Variants in NECAB1 observed in about 807,000 individuals in gnomAD.
NECAB1 encodes the protein N-terminal EF-hand calcium binding protein 1.
In NECAB1, 29 loss-of-function variants were observed where a neutral mutation model predicts 57.5. That is an observed-to-expected ratio of 0.50 (90% confidence interval 0.38 to 0.69). The LOEUF (loss-of-function observed/expected upper bound fraction) is 0.69. Among genes scored for constraint, NECAB1 ranks in the 30% least tolerant of loss-of-function variants. The pLI is 0.00. For synonymous variants in NECAB1, 142 were observed against 147.7 expected (o/e 0.96, Z 0.28); for missense variants, 372 against 413.8 (o/e 0.90, Z 0.88).
intron 10 of NECAB1, 57 bp downstream of exon 10, chr8:90,940,955 G>C (rs1586144922): frequency 7.7e-7 from 1 of 1,299,332 alleles, no homozygotes; most frequent in South Asian, 1.3e-5. Flanking sequence ...TACAGTGAAG[G>C]CATTTCTTAC....
intron 8 of NECAB1, among the ~76,000 whole-genome samples, chr8:90,933,609 C>A (rs1810460890): frequency 6.6e-6 from 1 of 152,034 alleles, no homozygotes; most frequent in Admixed American, 6.6e-5. Flanking sequence ...GGATAAAAGA[C>A]TACAAATCGG....
chr8:90,935,969 C>A (rs754541089), intron 9 of NECAB1, among the ~76,000 whole-genome samples: 1 of 152,070 alleles, frequency 6.6e-6, no homozygotes, highest in Non-Finnish European at 1.5e-5. Flanking sequence ...AGAGGTATAG[C>A]AATTATGCTC....
rs181758434 is a variant in NECAB1 at position 90,817,136 on chromosome 8, C to A, written c.125-7581C>A. 5.3e-5 allele frequency among the ~76,000 whole-genome samples: 8 copies of A among 151,762 alleles called. No individual in the cohort carries two copies. The East Asian group carries it at 1.5e-3, about 29-fold the overall frequency. ...TTGCTGAAATAAGTAAAGCAATTGA[C>A]TTTTGTATATTAACCTTGTATCGTA... is the stretch of plus-strand genomic sequence containing the variant. On this transcript the variant is annotated intron_variant, in intron 2 of 12. Coordinates refer to ENST00000417640, the MANE Select transcript of NECAB1 (RefSeq NM_022351.5).
chr8:90,878,164 TG>T (rs1329041100), intron 4 of NECAB1, among the ~76,000 whole-genome samples: 2 of 152,064 alleles, frequency 1.3e-5, no homozygotes, highest in Admixed American at 1.3e-4. Flanking sequence ...ATCCTCTATT[TG>T]GATTGCACCT....
intron 7 of NECAB1, among the ~76,000 whole-genome samples, chr8:90,926,327 AT>A (rs1486273433): frequency 2.0e-5 from 3 of 152,168 alleles, no homozygotes; most frequent in African/African-American, 7.2e-5. Flanking sequence ...TATAAGCTAT[AT>A]TCTATATTTT....
intron 3 of NECAB1, among the ~76,000 whole-genome samples, chr8:90,864,348 G>C (rs1199210452): frequency 7.2e-6 from 1 of 139,556 alleles, no homozygotes; most frequent in Non-Finnish European, 1.5e-5. Context: ...AGAGAGGGAG[G>C]GAGGGGGAGG....
intron 5 of NECAB1, among the ~76,000 whole-genome samples, chr8:90,900,573 G>A (rs906971351): frequency 6.6e-6 from 1 of 152,134 alleles, no homozygotes; most frequent in Non-Finnish European, 1.5e-5. Context: ...GGTAGGAAAA[G>A]TATTATTCAG....
At chr8:90,893,938 A>AT (rs1162586037) in intron 5 of NECAB1, among the ~76,000 whole-genome samples, 1 of 151,740 alleles carries the variant, frequency 6.6e-6, no homozygotes, top group Admixed American at 6.6e-5. Flanking sequence ...CTTTTAAATG[A>AT]TTTTACCTAT....
At chr8:90,953,132 C>T (rs1025286355) in intron 12 of NECAB1, among the ~76,000 whole-genome samples, 1 of 152,136 alleles carries the variant, frequency 6.6e-6, no homozygotes, top group Non-Finnish European at 1.5e-5. Context: ...AGGAACAAAG[C>T]TTGTTCTTAT....
At chr8:90,918,511 A>G (rs1341431099) in intron 6 of NECAB1, among the ~76,000 whole-genome samples, 1 of 152,208 alleles carries the variant, frequency 6.6e-6, no homozygotes, top group African/African-American at 2.4e-5. Flanking sequence ...TACATTGCCA[A>G]TTGTTTTCAG....
At chr8:90,839,251 A>G (rs1156637045) in intron 3 of NECAB1, among the ~76,000 whole-genome samples, 1 of 152,226 alleles carries the variant, frequency 6.6e-6, no homozygotes, top group Non-Finnish European at 1.5e-5. Context: ...TCCTGGGAAG[A>G]GGATCCAGGA....
intron 5 of NECAB1, among the ~76,000 whole-genome samples, chr8:90,887,519 TTTAA>T (rs1292303040): frequency 9.2e-5 from 14 of 152,308 alleles, no homozygotes; most frequent in African/African-American, 3.4e-4. Context: ...AAATAATGTA[TTTAA>T]TTAATTGGCA....
intron 8 of NECAB1, among the ~76,000 whole-genome samples, chr8:90,931,414 C>T (rs1009405034): frequency 5.3e-5 from 8 of 152,170 alleles, no homozygotes; most frequent in Non-Finnish European, 7.3e-5. Context: ...GTTATCTTTT[C>T]TCTGCATTAA....
At chr8:90,866,021 A>G (rs1416916559) in intron 3 of NECAB1, among the ~76,000 whole-genome samples, 1 of 152,218 alleles carries the variant, frequency 6.6e-6, no homozygotes, top group Admixed American at 6.5e-5. Context: ...AATTACAAAT[A>G]TAATTCATGG....
At chr8:90,923,598 A>G (rs1300363792) in intron 6 of NECAB1, among the ~76,000 whole-genome samples, 1 of 152,246 alleles carries the variant, frequency 6.6e-6, no homozygotes. Flanking sequence ...AACCAAAAGG[A>G]CAAATCAAAC....
intron 2 of NECAB1, among the ~76,000 whole-genome samples, chr8:90,824,377 T>C (rs892757777): frequency 6.6e-6 from 1 of 151,900 alleles, no homozygotes; most frequent in Non-Finnish European, 1.5e-5. Context: ...AACATCTAAA[T>C]AATTGACTCT....
intron 5 of NECAB1, among the ~76,000 whole-genome samples, chr8:90,913,863 A>G (rs1006049397): frequency 1.3e-5 from 2 of 152,232 alleles, no homozygotes. Context: ...AGGGAAGGGA[A>G]GGAGACTAAC....
rs951477189 is a variant in NECAB1 at position 90,958,867 on chromosome 8, C to T, written c.*3355C>T. The T allele has an allele frequency of 7.1e-6, 4 of 564,898 alleles. No individual in the cohort carries two copies. Among genetic ancestry groups the T allele is most frequent in the African/African-American group, 2.0e-5 (1 of 49,438 alleles). The allele number at this position is 564,898 out of a possible 1,614,324, so 35.0% of individuals were successfully genotyped here. ...AAATTCTTTATATTTTAAAATAGCT[C>T]TTTCTCATTTTTAGAGAAGTCAAAT... On this transcript the variant is annotated 3_prime_UTR_variant, in exon 13 of 13. Coordinates refer to ENST00000417640, the MANE Select transcript of NECAB1 (RefSeq NM_022351.5).
chr8:90,843,297 A>G (rs1354581235), intron 3 of NECAB1, among the ~76,000 whole-genome samples: 1 of 152,228 alleles, frequency 6.6e-6, no homozygotes, highest in Admixed American at 6.5e-5. Flanking sequence ...CAGCCAAACC[A>G]TATCACACAC....
Sources: gnomAD v4.1 joint callset for allele counts (sites outside exome capture counted in the v4.1 genomes callset) on GRCh38, gnomAD v4.1.1 for gene constraint, MANE v1.5 for transcripts, NCBI Gene and HGNC (gene_info 2026-07-23, HGNC 2026-07-21) for gene names.